Variants in MAP2 observed in about 807,000 individuals in gnomAD.
MAP2 encodes microtubule-associated protein 2.
MAP2 carries 14 observed loss-of-function variants against 137.6 expected under a neutral mutation model. The ratio of observed to expected loss-of-function variants is 0.10; its 90% CI spans 0.07 to 0.16. The LOEUF (loss-of-function observed/expected upper bound fraction) is 0.16, where lower values mean the gene tolerates loss of function less well. Among genes scored for constraint, MAP2 ranks in the 10% least tolerant of loss-of-function variants. The pLI is 1.00. For missense variants in MAP2, 2,088 were observed against 2,191.5 expected (o/e 0.95, Z 0.94); for synonymous variants, 786 against 782.3 (o/e 1.00, Z -0.08).
rs139310749 is a variant in MAP2, at chr2:209,653,333, G to A, written c.163G>A (p.Glu55Lys). Residue 55 changes from glutamate (E) to lysine (K), a missense_variant, in exon 5 of 16, where the codon GAG becomes AAG. Around this residue, in one of 6 missense-constraint regions of MAP2, gnomAD observed 859 missense variants for 794.5 expected, o/e 1.08. Transcript: ENST00000682079. ...ANGFPYREDE[E>K]GAFGEHGSQG... ...TGGATTCCCATACAGGGAGGATGAA[G>A]AGGGTGCCTTTGGAGAGCATGGGTC... The A allele has an allele frequency of 0.013, 20,603 of 1,614,150 alleles. 155 individuals are homozygous for A. The highest frequency in any genetic ancestry group is 0.015 in the Non-Finnish European group (18,195 of 1,179,990).
At chr2:209,577,343 A>G (rs1166343946) in intron 2 of MAP2, among the ~76,000 whole-genome samples, 6 of 152,220 alleles carry the variant, frequency 3.9e-5, no homozygotes, top group East Asian at 3.9e-4. Context: ...TTATAGCTAC[A>G]TACTGGGGAG....
At chr2:209,538,374 T>C (rs2066315025) in intron 2 of MAP2, among the ~76,000 whole-genome samples, 1 of 152,172 alleles carries the variant, frequency 6.6e-6, no homozygotes, top group Non-Finnish European at 1.5e-5. Context: ...ATATCATTGG[T>C]TCATATTCCA....
At chr2:209,729,758 G>T in intron 14 of MAP2, 92 bp from the exon 15 acceptor site, 1 of 742,852 alleles carries the variant, frequency 1.3e-6, no homozygotes, top group Non-Finnish European at 2.3e-6. Flanking sequence ...TAAATTTGTG[G>T]TTTGCCGTAG....
chr2:209,495,970 A>G (rs371663162), intron 1 of MAP2, among the ~76,000 whole-genome samples: 1 of 152,172 alleles, frequency 6.6e-6, no homozygotes, highest in East Asian at 1.9e-4. Context: ...AATAGTTTCA[A>G]TTTCCCAGCA....
At chr2:209,657,916 A>C (rs1398092565) in intron 5 of MAP2, among the ~76,000 whole-genome samples, 2 of 152,218 alleles carry the variant, frequency 1.3e-5, no homozygotes, top group African/African-American at 2.4e-5. Context: ...TTTTAAGTTA[A>C]AGCATCATTT....
At position 209,730,596 on chromosome 2, in the gene MAP2, G is replaced by A. The variant is rs1198487927; in HGVS notation, c.*199G>A. 1.8e-6 allele frequency: 1 copy of A among 569,980 alleles called. No individual in the cohort carries two copies. Among genetic ancestry groups the A allele is most frequent in the East Asian group, 3.0e-5 (1 of 33,874 alleles). The allele number at this position is 569,980 out of a possible 1,614,324, so 35.3% of individuals were successfully genotyped here. On this transcript the variant is annotated 3_prime_UTR_variant, in exon 16 of 16. Transcript: ENST00000682079. Reference sequence around the variant, plus strand: ...ATTGACCTGATTTCCATTTGCAACAGGAAGACACTGGCTTTACATGGGTTC... The same window carrying A: ...ATTGACCTGATTTCCATTTGCAACAAGAAGACACTGGCTTTACATGGGTTC...
rs575453294 is a variant in MAP2 at position 209,426,877 on chromosome 2, A to C, written c.-222+2601A>C. The stretch of plus-strand genomic sequence containing the variant: ...CCCTTTTGGTTTAAACCAGTTCGCA[A>C]ATTTTCTAAACATCAGAAGGGAAAA... On this transcript the variant is annotated intron_variant, in intron 1 of 15. Coordinates refer to ENST00000682079, the MANE Select transcript of MAP2 (RefSeq NM_001375505.1). 4.6e-5 allele frequency among the ~76,000 whole-genome samples: 7 copies of C among 152,312 alleles called. 1 individual carries two copies. In the South Asian group the frequency reaches 1.4e-3, roughly 32 times the overall value.
chr2:209,492,965 A>G (rs949714580), intron 1 of MAP2, among the ~76,000 whole-genome samples: 1 of 151,986 alleles, frequency 6.6e-6, no homozygotes, highest in African/African-American at 2.4e-5. Context: ...GAACCAAAAA[A>G]GATCCTGTAT....
chr2:209,672,528 T>A (rs528182651), intron 5 of MAP2, among the ~76,000 whole-genome samples: 1 of 152,034 alleles, frequency 6.6e-6, no homozygotes, highest in South Asian at 2.1e-4. Flanking sequence ...AGATGTGGAA[T>A]CTGAAGGTTA....
intron 3 of MAP2, among the ~76,000 whole-genome samples, chr2:209,594,654 C>A (rs1373535718): frequency 6.6e-6 from 1 of 152,072 alleles, no homozygotes; most frequent in Non-Finnish European, 1.5e-5. Context: ...TGTAAGAATT[C>A]TCCTATCACT....
chr2:209,721,612 G>C (rs1256711642), intron 13 of MAP2, among the ~76,000 whole-genome samples: 2 of 151,960 alleles, frequency 1.3e-5, no homozygotes, highest in Non-Finnish European at 2.9e-5. Flanking sequence ...CATTTGTTTT[G>C]GAAATCATAA....
At chr2:209,595,203 G>A (rs1460317026) in intron 3 of MAP2, among the ~76,000 whole-genome samples, 1 of 135,234 alleles carries the variant, frequency 7.4e-6, no homozygotes, top group African/African-American at 3.4e-5. Flanking sequence ...TTTAGGTTTG[G>A]CGGTTTGGCG....
intron 3 of MAP2, among the ~76,000 whole-genome samples, chr2:209,604,538 A>G (rs945538809): frequency 1.3e-5 from 2 of 152,170 alleles, no homozygotes; most frequent in African/African-American, 4.8e-5. Flanking sequence ...ATATCCTCTT[A>G]AATGTAACCA....
chr2:209,544,124 T>C (rs1041857644), intron 2 of MAP2, among the ~76,000 whole-genome samples: 1 of 151,896 alleles, frequency 6.6e-6, no homozygotes, highest in African/African-American at 2.4e-5. Flanking sequence ...TCCCATCTAC[T>C]TGGGAGGCTG....
At chr2:209,545,967 C>T (rs781755283) in intron 2 of MAP2, among the ~76,000 whole-genome samples, 4 of 152,014 alleles carry the variant, frequency 2.6e-5, no homozygotes, top group East Asian at 1.9e-4. Flanking sequence ...GGTGAAACCC[C>T]GTCTCTACTA....
At chr2:209,486,422 C>T (rs1308266718) in intron 1 of MAP2, among the ~76,000 whole-genome samples, 1 of 152,064 alleles carries the variant, frequency 6.6e-6, no homozygotes, top group African/African-American at 2.4e-5. Flanking sequence ...TGGGGTTTCT[C>T]CATATTGGCC....
At position 209,593,634 on chromosome 2, in the gene MAP2, A is replaced by AAT. The variant is rs58330460; in HGVS notation, c.-107+13573_-107+13574dup. Among the ~76,000 whole-genome samples, 134 of 33,632 alleles carry AAT rather than the reference A, an allele frequency of 4.0e-3. 2 individuals carry two copies. The highest frequency in any genetic ancestry group is 0.01 in the African/African-American group (80 of 7,930). The allele number at this position is 33,632 out of a possible 152,430, so 22.1% of individuals were successfully genotyped here. On this transcript the variant is annotated intron_variant, in intron 3 of 15. Transcript: ENST00000682079. ...CCTGTCTCTACAAAAAAAAAAAAAAAATATATATATATATATATATATATA... is the reference window on the plus strand; with the variant it reads ...CCTGTCTCTACAAAAAAAAAAAAAAAATATATATATATATATATATATATATA...
intron 13 of MAP2, among the ~76,000 whole-genome samples, chr2:209,714,069 T>C (rs1047292184): frequency 1.3e-5 from 2 of 150,210 alleles, no homozygotes; most frequent in Non-Finnish European, 3.0e-5. Context: ...GGCGTGGTGG[T>C]GGGCACCAGT....
At chr2:209,532,142 G>A (rs2065203088) in intron 2 of MAP2, among the ~76,000 whole-genome samples, 1 of 151,626 alleles carries the variant, frequency 6.6e-6, no homozygotes, top group African/African-American at 2.4e-5. Flanking sequence ...GGAGGCTGAA[G>A]CAGGAGGATC....
Sources: allele counts gnomAD v4.1 joint callset (sites outside exome capture counted in the v4.1 genomes callset), GRCh38; gene constraint gnomAD v4.1.1; regional missense constraint gnomAD v4.1.1; transcripts MANE v1.5; gene names NCBI Gene and HGNC (gene_info 2026-07-23, HGNC 2026-07-21).